SDK1: variants seen among roughly 807,000 people sequenced by gnomAD.
The protein encoded by SDK1 is protein sidekick-1.
SDK1 carries 157 observed loss-of-function variants against 245.5 expected under a neutral mutation model. The ratio of observed to expected loss-of-function variants is 0.64; its 90% confidence interval spans 0.56 to 0.73. The LOEUF (loss-of-function observed/expected upper bound fraction) is 0.73. Ranked by LOEUF, SDK1 falls within the 30% of genes least tolerant of loss-of-function variation. The pLI is 0.00. For missense variants in SDK1, 3,583 were observed against 3,002.3 expected, an observed-to-expected ratio of 1.19 and a Z score of -4.52; for synonymous variants, 1,647 against 1,278.5, an observed-to-expected ratio of 1.29 and a Z score of -6.15.
intron 7 of SDK1, among the ~76,000 whole-genome samples, chr7:3,956,350 G>C (rs750547332): frequency 6.6e-6 from 1 of 152,212 alleles, no homozygotes; most frequent in Non-Finnish European, 1.5e-5. Context: ...AGAGCAGACT[G>C]TGTGTAAAAC....
intron 1 of SDK1, among the ~76,000 whole-genome samples, chr7:3,586,083 G>T (rs1488733026): frequency 1.3e-5 from 2 of 152,134 alleles, no homozygotes; most frequent in African/African-American, 4.8e-5. Flanking sequence ...GGTGGGGCTG[G>T]CCCAGGAGAG....
intron 20 of SDK1, among the ~76,000 whole-genome samples, chr7:4,075,703 G>A (rs1316344509): frequency 6.6e-6 from 1 of 151,178 alleles, no homozygotes; most frequent in Non-Finnish European, 1.5e-5. Flanking sequence ...CACCCAGGCT[G>A]GAGTGCAATG....
chr7:4,214,897 G>C (rs904968396), intron 38 of SDK1, among the ~76,000 whole-genome samples: 2 of 152,228 alleles, frequency 1.3e-5, no homozygotes, highest in East Asian at 3.9e-4. Flanking sequence ...TCCGTGGTCC[G>C]GCTCCAGCCG....
intron 8 of SDK1, among the ~76,000 whole-genome samples, chr7:3,959,687 A>G (rs1308259399): frequency 6.6e-6 from 1 of 152,188 alleles, no homozygotes; most frequent in African/African-American, 2.4e-5. Context: ...TCTGTGTCTG[A>G]GTTCTCTCAC....
chr7:4,109,093 G>A (rs560986616), intron 22 of SDK1, among the ~76,000 whole-genome samples: 6 of 152,252 alleles, frequency 3.9e-5, no homozygotes, highest in South Asian at 4.1e-4. Flanking sequence ...CCTTGTTCAC[G>A]GCTTTGACTG....
intron 5 of SDK1, among the ~76,000 whole-genome samples, chr7:3,858,419 ATT>A (rs1780600329): frequency 6.6e-6 from 1 of 152,082 alleles, no homozygotes; most frequent in African/African-American, 2.4e-5. Flanking sequence ...TACTTTATAT[ATT>A]TTATTACTAC....
chr7:3,673,311 G>A (rs749039252), intron 4 of SDK1, among the ~76,000 whole-genome samples: 1 of 152,290 alleles, frequency 6.6e-6, no homozygotes, highest in East Asian at 1.9e-4. Context: ...TTCATTGGAC[G>A]GAAAGATCGG....
chr7:3,818,737 C>G (rs554369057), intron 4 of SDK1, among the ~76,000 whole-genome samples: 1 of 152,192 alleles, frequency 6.6e-6, no homozygotes, highest in Non-Finnish European at 1.5e-5. Context: ...TTCATTGGCT[C>G]TATGAGATAA....
chr7:3,913,443 G>GC (rs1403159472), intron 5 of SDK1, among the ~76,000 whole-genome samples: 3 of 151,838 alleles, frequency 2.0e-5, no homozygotes, highest in Admixed American at 6.6e-5. Flanking sequence ...ACAGGCGCTC[G>GC]CCACAACGCC....
At chr7:3,735,665 C>T (rs1001900294) in intron 4 of SDK1, among the ~76,000 whole-genome samples, 1 of 152,086 alleles carries the variant, frequency 6.6e-6, no homozygotes, top group African/African-American at 2.4e-5. Context: ...GTCTTCAATT[C>T]GTTTAGATAG....
chr7:3,751,807 T>A (rs1289333011), intron 4 of SDK1, among the ~76,000 whole-genome samples: 1 of 152,182 alleles, frequency 6.6e-6, no homozygotes, highest in African/African-American at 2.4e-5. Flanking sequence ...AGCCCTCCCC[T>A]TCCATTTCCT....
chr7:4,050,935 C>T (rs1789412082), intron 18 of SDK1, among the ~76,000 whole-genome samples: 1 of 138,842 alleles, frequency 7.2e-6, no homozygotes, highest in African/African-American at 2.7e-5. Flanking sequence ...TATATACATA[C>T]ATACTATACG....
intron 1 of SDK1, among the ~76,000 whole-genome samples, chr7:3,440,684 A>G (rs1940791475): frequency 6.6e-6 from 1 of 151,942 alleles, no homozygotes. Flanking sequence ...TCTTGACTTA[A>G]GAAGGAAAGA....
intron 4 of SDK1, among the ~76,000 whole-genome samples, chr7:3,810,419 ACTC>A (rs1430308868): frequency 2.6e-5 from 4 of 151,034 alleles, no homozygotes; most frequent in African/African-American, 9.7e-5. Context: ...CTCTGTAAAA[ACTC>A]CTCCTTCATG....
intron 19 of SDK1, among the ~76,000 whole-genome samples, chr7:4,066,417 GTC>G (rs1192175501): frequency 3.3e-5 from 5 of 152,204 alleles, no homozygotes; most frequent in African/African-American, 1.2e-4. Context: ...GGAGTGCACT[GTC>G]TCTCTTCCCC....
intron 7 of SDK1, among the ~76,000 whole-genome samples, chr7:3,955,510 G>C (rs562006842): frequency 2.0e-5 from 3 of 152,312 alleles, no homozygotes; most frequent in Admixed American, 6.5e-5. Flanking sequence ...CATATTCATA[G>C]ATTCCAGAGG....
At chr7:4,233,174 C>G in intron 40 of SDK1, 81 bp from the exon 41 acceptor site, 1 of 1,400,776 alleles carries the variant, frequency 7.1e-7, no homozygotes, top group Middle Eastern at 1.8e-4. Context: ...TGCAAGCCGA[C>G]CCACCAGGCA....
intron 38 of SDK1, among the ~76,000 whole-genome samples, chr7:4,211,441 G>T (rs1480129156): frequency 6.6e-6 from 1 of 152,044 alleles, no homozygotes; most frequent in Non-Finnish European, 1.5e-5. Context: ...CGGGGGCAGG[G>T]GAGGAGGGCT....
intron 5 of SDK1, among the ~76,000 whole-genome samples, chr7:3,863,796 A>G (rs1018863241): frequency 1.3e-5 from 2 of 152,236 alleles, no homozygotes; most frequent in Admixed American, 6.5e-5. Context: ...AGAATATTCC[A>G]TCGTACGGAT....
Sources: gnomAD v4.1 joint callset for allele counts (sites outside exome capture counted in the v4.1 genomes callset) on GRCh38, gnomAD v4.1.1 for gene constraint, MANE v1.5 for transcripts, NCBI Gene and HGNC (gene_info 2026-07-23, HGNC 2026-07-21) for gene names.